CAMK4: variants seen among roughly 807,000 people sequenced by gnomAD.
The protein encoded by CAMK4 is calcium/calmodulin-dependent protein kinase type IV.
CAMK4 carries 22 observed loss-of-function variants against 44.9 expected under a neutral mutation model. The observed-to-expected ratio is 0.49, with a 90% CI of 0.35 to 0.70. The LOEUF is 0.70. Among genes scored for constraint, CAMK4 ranks in the 30% least tolerant of loss-of-function variants. The pLI is 0.01. For synonymous variants in CAMK4, 218 were observed against 215.4 expected (o/e 1.01, Z -0.11); for missense variants, 498 against 586.8 (o/e 0.85, Z 1.56).
intron 7 of CAMK4, among the ~76,000 whole-genome samples, chr5:111,456,752 A>G (rs1371568848): frequency 6.6e-6 from 1 of 152,194 alleles, no homozygotes; most frequent in African/African-American, 2.4e-5. Flanking sequence ...TGGTATTTTT[A>G]CTAGGTAAAT....
intron 1 of CAMK4, among the ~76,000 whole-genome samples, chr5:111,310,207 CT>C (rs1748140392): frequency 6.6e-6 from 1 of 152,166 alleles, no homozygotes; most frequent in East Asian, 1.9e-4. Context: ...AGTTTTATTG[CT>C]TTGTTATCTC....
At chr5:111,282,220 C>G (rs974959566) in intron 1 of CAMK4, among the ~76,000 whole-genome samples, 2 of 152,094 alleles carry the variant, frequency 1.3e-5, no homozygotes, top group African/African-American at 2.4e-5. Flanking sequence ...ATGCTTGATT[C>G]TTTTATCTAA....
Position 111,492,422 on chromosome 5 carries a change from T to C in CAMK4, c.*7956T>C, listed in dbSNP as rs1755881247. ...AATCTTCTGCCAGTCCGCATCATTA[T>C]GTGTAGCAGAGACTTTACTGGAATG... On this transcript the variant is annotated 3_prime_UTR_variant, in exon 11 of 11. Transcript: ENST00000282356. 6.6e-6 allele frequency: 1 copy of C among 152,230 alleles called. No homozygotes were observed. Among genetic ancestry groups the C allele is most frequent in the Non-Finnish European group, 1.5e-5 (1 of 68,044 alleles). 9.4% of individuals were successfully genotyped at this position (152,230 alleles called of 1,614,324 possible). A position where few individuals can be genotyped will look rare whatever the true frequency, so the allele number is the denominator to read the frequency against.
At chr5:111,470,549 T>A (rs1162057016) in intron 7 of CAMK4, among the ~76,000 whole-genome samples, 2 of 152,192 alleles carry the variant, frequency 1.3e-5, no homozygotes, top group East Asian at 3.8e-4. Flanking sequence ...TGCATCAAGG[T>A]CAAGAGACTT....
chr5:111,263,338 G>A (rs968368893), intron 1 of CAMK4, among the ~76,000 whole-genome samples: 2 of 152,286 alleles, frequency 1.3e-5, no homozygotes, highest in African/African-American at 4.8e-5. Context: ...GAAAATGAAG[G>A]AAAGATAGGA....
At chr5:111,354,445 C>CAAAAAA (rs58501236) in intron 2 of CAMK4, among the ~76,000 whole-genome samples, 2 of 125,132 alleles carry the variant, frequency 1.6e-5, no homozygotes, top group Non-Finnish European at 1.8e-5. Flanking sequence ...ATTCTCACCA[C>CAAAAAA]AAAAAAAAAA....
At chr5:111,463,416 C>T (rs187428014) in intron 7 of CAMK4, among the ~76,000 whole-genome samples, 9 of 152,346 alleles carry the variant, frequency 5.9e-5, no homozygotes, top group African/African-American at 1.9e-4. Flanking sequence ...CCTAAAAACT[C>T]TGAAGACAAA....
At chr5:111,422,071 G>C (rs1753052046) in intron 5 of CAMK4, among the ~76,000 whole-genome samples, 1 of 152,154 alleles carries the variant, frequency 6.6e-6, no homozygotes, top group African/African-American at 2.4e-5. Context: ...GCTTGGGTAT[G>C]TCTTTATTAG....
chr5:111,470,967 G>A (rs1755043441), intron 7 of CAMK4, among the ~76,000 whole-genome samples: 1 of 152,204 alleles, frequency 6.6e-6, no homozygotes, highest in South Asian at 2.1e-4. Flanking sequence ...AAAAACCATT[G>A]CCATGACACT....
intron 1 of CAMK4, among the ~76,000 whole-genome samples, chr5:111,292,423 A>G (rs1747311145): frequency 6.6e-6 from 1 of 152,168 alleles, no homozygotes; most frequent in African/African-American, 2.4e-5. Flanking sequence ...ATGTATGTGC[A>G]TATATATGTG....
intron 7 of CAMK4, among the ~76,000 whole-genome samples, chr5:111,466,626 A>C (rs575735546): frequency 3.3e-5 from 5 of 152,206 alleles, no homozygotes; most frequent in Non-Finnish European, 7.3e-5. Flanking sequence ...AATACTTAGG[A>C]ACAAACCTAG....
At chr5:111,336,655 G>C (rs113612781) in intron 1 of CAMK4, among the ~76,000 whole-genome samples, 1,909 of 151,080 alleles carry the variant, frequency 0.013, 45 homozygotes, top group African/African-American at 0.043. Flanking sequence ...TTTATATATG[G>C]AATTTATTGA....
chr5:111,330,089 A>G (rs1008150381), intron 1 of CAMK4, among the ~76,000 whole-genome samples: 5 of 51,814 alleles, frequency 9.6e-5, no homozygotes, highest in Non-Finnish European at 2.5e-4. Context: ...TCTACTCCCC[A>G]CCACCCCTAC....
chr5:111,228,407 A>G (rs1748300200), intron 1 of CAMK4, among the ~76,000 whole-genome samples: 1 of 152,128 alleles, frequency 6.6e-6, no homozygotes, highest in African/African-American at 2.4e-5. Flanking sequence ...ATACATTTAT[A>G]ATTTTAAATA....
intron 1 of CAMK4, among the ~76,000 whole-genome samples, chr5:111,273,164 G>A (rs1392238802): frequency 2.0e-5 from 3 of 151,968 alleles, no homozygotes; most frequent in African/African-American, 7.3e-5. Context: ...TTTTAGTTAT[G>A]ATTTCTCATT....
At chr5:111,373,637 C>A (rs73788898) in intron 2 of CAMK4, among the ~76,000 whole-genome samples, 5,066 of 152,110 alleles carry the variant, frequency 0.033, 293 homozygotes, top group African/African-American at 0.12. Flanking sequence ...TGAGGTCAAC[C>A]TTTTCTTCCT....
At chr5:111,478,277 GGCAGGAAGCA>G in intron 8 of CAMK4, 94 bp from the exon 9 acceptor site, 6 of 617,640 alleles carry the variant, frequency 9.7e-6, no homozygotes, top group Non-Finnish European at 1.3e-5. Context: ...TTGCTTCCAT[GGCAGGAAGCA>G]GTGAAAAAGA....
At chr5:111,450,563 G>A in intron 7 of CAMK4, among the ~76,000 whole-genome samples, 1 of 120,138 alleles carries the variant, frequency 8.3e-6, no homozygotes, top group Non-Finnish European at 1.8e-5. Flanking sequence ...CGAGGTGGGT[G>A]GATCACCTGG....
At chr5:111,254,602 C>A (rs892820165) in intron 1 of CAMK4, among the ~76,000 whole-genome samples, 2 of 152,090 alleles carry the variant, frequency 1.3e-5, no homozygotes, top group African/African-American at 4.8e-5. Flanking sequence ...AACTGAAGAA[C>A]CAAGGGGTCA....
Sources: allele counts gnomAD v4.1 joint callset (sites outside exome capture counted in the v4.1 genomes callset), GRCh38; gene constraint gnomAD v4.1.1; transcripts MANE v1.5; gene names NCBI Gene and HGNC (gene_info 2026-07-23, HGNC 2026-07-21).